Variants in ZFAND6 observed in about 807,000 individuals in gnomAD.
ZFAND6 encodes AN1-type zinc finger protein 6.
ZFAND6 carries 12 observed loss-of-function variants against 24.5 expected under a neutral mutation model. That is an observed-to-expected ratio of 0.49 (90% CI 0.31 to 0.79). The LOEUF is 0.79. Ranked by LOEUF, ZFAND6 falls within the 30% of genes least tolerant of loss-of-function variation. ZFAND6 has a pLI of 0.04. For synonymous variants in ZFAND6, 92 were observed against 81.5 expected, an observed-to-expected ratio of 1.13 and a Z score of -0.69; for missense variants, 207 against 245.9, an observed-to-expected ratio of 0.84 and a Z score of 1.06.
chr15:80,098,210 A>G (rs2038843617), intron 1 of ZFAND6, among the ~76,000 whole-genome samples: 1 of 152,242 alleles, frequency 6.6e-6, no homozygotes, highest in South Asian at 2.1e-4. Flanking sequence ...GTCTGTGGCC[A>G]GGTATAGAAA....
intron 5 of ZFAND6, among the ~76,000 whole-genome samples, chr15:80,123,299 A>G (rs1036670907): frequency 4.6e-5 from 7 of 152,164 alleles, no homozygotes; most frequent in African/African-American, 1.7e-4. Context: ...CATGCTCTTC[A>G]TATCCCCATT....
At chr15:80,112,488 C>G (rs1489176653) in intron 2 of ZFAND6, among the ~76,000 whole-genome samples, 1 of 152,012 alleles carries the variant, frequency 6.6e-6, no homozygotes, top group African/African-American at 2.4e-5. Flanking sequence ...ACCTCCGCCT[C>G]TTGGGTTCAA....
At chr15:80,108,075 G>A (rs2039427773) in intron 2 of ZFAND6, among the ~76,000 whole-genome samples, 1 of 152,080 alleles carries the variant, frequency 6.6e-6, no homozygotes, top group South Asian at 2.1e-4. Context: ...CTACTTAATA[G>A]GACTATTATG....
At chr15:80,132,497 G>C (rs2040650491) in intron 6 of ZFAND6, among the ~76,000 whole-genome samples, 1 of 152,170 alleles carries the variant, frequency 6.6e-6, no homozygotes, top group Non-Finnish European at 1.5e-5. Context: ...AAAAGTTACT[G>C]TGGTATATAC....
intron 1 of ZFAND6, among the ~76,000 whole-genome samples, chr15:80,086,886 G>T (rs192336085): frequency 6.6e-6 from 1 of 152,298 alleles, no homozygotes; most frequent in Admixed American, 6.5e-5. Context: ...ACCATTCCAA[G>T]TATTTCACGT....
At chr15:80,062,694 C>T (rs2141770650) in intron 1 of ZFAND6, among the ~76,000 whole-genome samples, 1 of 152,130 alleles carries the variant, frequency 6.6e-6, no homozygotes, top group East Asian at 1.9e-4. Context: ...TTTTAAAAAC[C>T]TTATTTTTTA....
At chr15:80,067,048 A>G (rs1456776010) in intron 1 of ZFAND6, among the ~76,000 whole-genome samples, 1 of 152,224 alleles carries the variant, frequency 6.6e-6, no homozygotes, top group Non-Finnish European at 1.5e-5. Context: ...TCCCATGTGA[A>G]GAGAACTGCT....
chr15:80,113,368 A>T (rs1443058549), intron 2 of ZFAND6, among the ~76,000 whole-genome samples: 6 of 150,504 alleles, frequency 4.0e-5, no homozygotes, highest in Admixed American at 1.3e-4. Context: ...TAATTTTTTT[A>T]AAAAATAATA....
chr15:80,123,000 A>G (rs2040214442), intron 5 of ZFAND6, 200 bp downstream of exon 5: 1 of 478,974 alleles, frequency 2.1e-6, no homozygotes, highest in Non-Finnish European at 3.7e-6. Context: ...TATCATCAGC[A>G]TAAATGTTGC....
intron 1 of ZFAND6, among the ~76,000 whole-genome samples, chr15:80,082,005 C>A (rs1349786861): frequency 1.3e-5 from 2 of 152,132 alleles, no homozygotes. Flanking sequence ...GCTTTATTTA[C>A]CCGGAAAGAG....
chr15:80,120,549 G>T, intron 3 of ZFAND6, 51 bp downstream of exon 3: 1 of 1,394,326 alleles, frequency 7.2e-7, no homozygotes, highest in East Asian at 2.6e-5. Context: ...AATACAAGTG[G>T]ATATTTCGGT....
Position 80,131,280 on chromosome 15 carries a change from A to G in ZFAND6, c.465A>G (p.Lys155=). 1 of 1,613,246 alleles carries G rather than the reference A, an allele frequency of 6.2e-7. No individual in the cohort carries two copies. Among genetic ancestry groups the G allele is most frequent in the Non-Finnish European group, 8.5e-7 (1 of 1,179,460 alleles). Reference sequence around the variant, plus strand: ...ATCGCTGTTTCATGTGCAGGAAGAAAGTGGGACTTACTGGTAAGGACCTAA... The same window carrying G: ...ATCGCTGTTTCATGTGCAGGAAGAAGGTGGGACTTACTGGTAAGGACCTAA... ...KKNRCFMCRK[K]VGLTGFECRC... is the part of the protein sequence containing the mutation. Residue 155 remains lysine (K), a synonymous_variant, in exon 6 of 7, where the codon AAA becomes AAG. Coordinates refer to ENST00000261749, the MANE Select transcript of ZFAND6 (RefSeq NM_019006.4).
At chr15:80,100,600 A>G (rs1253753776) in intron 2 of ZFAND6, among the ~76,000 whole-genome samples, 2 of 152,264 alleles carry the variant, frequency 1.3e-5, no homozygotes, top group Non-Finnish European at 2.9e-5. Flanking sequence ...TGAGCAACAT[A>G]TATAAAACTC....
At chr15:80,071,400 A>G (rs1488737480) in intron 1 of ZFAND6, among the ~76,000 whole-genome samples, 1 of 152,214 alleles carries the variant, frequency 6.6e-6, no homozygotes, top group Non-Finnish European at 1.5e-5. Context: ...TGGTAGAGGT[A>G]AAAACTATAC....
chr15:80,110,335 G>C (rs554595533), intron 2 of ZFAND6, among the ~76,000 whole-genome samples: 67 of 152,154 alleles, frequency 4.4e-4, no homozygotes, highest in African/African-American at 1.6e-3. Context: ...ATTTATAGTA[G>C]ATTTTAAACA....
intron 1 of ZFAND6, among the ~76,000 whole-genome samples, chr15:80,068,096 G>A (rs1304531624): frequency 1.3e-5 from 2 of 150,552 alleles, no homozygotes; most frequent in African/African-American, 2.4e-5. Context: ...CAAGTAGCTG[G>A]GACTACAGGC....
chr15:80,073,409 A>T (rs781301176), intron 1 of ZFAND6: 11 of 217,320 alleles, frequency 5.1e-5, no homozygotes, highest in Non-Finnish European at 1.1e-4. Flanking sequence ...AGTGTATTTC[A>T]GTACAAGAAT....
chr15:80,070,093 T>C (rs1443773489), intron 1 of ZFAND6, among the ~76,000 whole-genome samples: 1 of 152,186 alleles, frequency 6.6e-6, no homozygotes, highest in Non-Finnish European at 1.5e-5. Flanking sequence ...CTATATGGAA[T>C]CCTTCAAAAT....
chr15:80,071,505 G>A (rs1359202470), intron 1 of ZFAND6, among the ~76,000 whole-genome samples: 1 of 152,052 alleles, frequency 6.6e-6, no homozygotes, highest in Non-Finnish European at 1.5e-5. Context: ...TAAAACATAA[G>A]CAGTTCTAAT....
Sources: allele counts gnomAD v4.1 joint callset (sites outside exome capture counted in the v4.1 genomes callset), GRCh38; gene constraint gnomAD v4.1.1; transcripts MANE v1.5; gene names NCBI Gene and HGNC (gene_info 2026-07-23, HGNC 2026-07-21).